ENKUR: variants seen among roughly 807,000 people sequenced by gnomAD.
ENKUR encodes the protein enkurin.
Under a neutral mutation model 27.6 loss-of-function variants are expected in ENKUR, and 19 were observed. That is an observed-to-expected ratio of 0.69 (90% CI 0.48 to 1.01). The LOEUF is 1.01. Ranked by LOEUF, ENKUR falls within the 50% of genes least tolerant of loss-of-function variation. The probability of loss-of-function intolerance (pLI) is 0.00; values close to 1 mark genes in which losing one functional copy is unlikely to be tolerated. For synonymous variants in ENKUR, 117 were observed against 96.9 expected (o/e 1.21, Z -1.22); for missense variants, 312 against 310.5 (o/e 1.00, Z -0.04).
chr10:24,986,062 C>A (rs1029418197), intron 4 of ENKUR, among the ~76,000 whole-genome samples: 1 of 152,066 alleles, frequency 6.6e-6, no homozygotes, highest in African/African-American at 2.4e-5. Flanking sequence ...GAGCAGAGAC[C>A]CTGCCTGAAA....
upstream of ENKUR, among the ~76,000 whole-genome samples, chr10:25,017,084 T>G (rs1312125800): frequency 2.0e-5 from 3 of 152,164 alleles, no homozygotes; most frequent in Non-Finnish European, 4.4e-5. Flanking sequence ...GCGCCTGCTC[T>G]TCCCCGGGTC....
At chr10:24,992,813 G>C (rs561293046) in intron 3 of ENKUR, among the ~76,000 whole-genome samples, 35 of 152,302 alleles carry the variant, frequency 2.3e-4, no homozygotes, top group African/African-American at 7.9e-4. Context: ...AAGCTGCAGA[G>C]GACAATACAA....
At chr10:24,991,472 C>T (rs1021674364) in intron 3 of ENKUR, among the ~76,000 whole-genome samples, 1 of 151,248 alleles carries the variant, frequency 6.6e-6, no homozygotes, top group Admixed American at 6.6e-5. Context: ...AATGGAAGAA[C>T]GTATAAGTGG....
intron 1 of ENKUR, among the ~76,000 whole-genome samples, chr10:25,061,947 T>C (rs1029495412): frequency 6.6e-6 from 1 of 152,176 alleles, no homozygotes; most frequent in Non-Finnish European, 1.5e-5. Flanking sequence ...ATTTGCTGAG[T>C]CAGACTGCAA....
At chr10:25,019,653 T>C, upstream of ENKUR, among the ~76,000 whole-genome samples, 1 of 152,342 alleles carries the variant, frequency 6.6e-6, no homozygotes, top group South Asian at 2.1e-4. Context: ...CCATTTTATA[T>C]AAAGGACTTG....
chr10:25,012,498 T>C (rs1850470035), intron 1 of ENKUR, among the ~76,000 whole-genome samples: 1 of 152,210 alleles, frequency 6.6e-6, no homozygotes, highest in African/African-American at 2.4e-5. Flanking sequence ...CCCAAGACCA[T>C]AGGATCCCAC....
intron 1 of ENKUR, among the ~76,000 whole-genome samples, chr10:25,005,195 T>G (rs938689074): frequency 6.6e-6 from 1 of 152,200 alleles, no homozygotes; most frequent in African/African-American, 2.4e-5. Context: ...GGCAGTGTCA[T>G]GGATAATTGG....
intron 2 of ENKUR, among the ~76,000 whole-genome samples, chr10:25,035,705 G>A (rs1850999809): frequency 6.6e-6 from 1 of 152,120 alleles, no homozygotes; most frequent in African/African-American, 2.4e-5. Context: ...TAATTTATCT[G>A]ATGAATACAA....
chr10:25,024,151 T>C lies in ENKUR; in HGVS notation c.38-28282A>G, dbSNP rs558014535. ...TCCTGCAGACATACCTGCTGCCAGGTTGGGAGAAATGATTGAAACTGCTTA... is the reference window on the plus strand; with the variant it reads ...TCCTGCAGACATACCTGCTGCCAGGCTGGGAGAAATGATTGAAACTGCTTA... On this transcript the variant is annotated intron_variant, in intron 2 of 5. Coordinates refer to the ENKUR transcript ENST00000615958. The C allele has an allele frequency of 3.1e-6, 5 of 1,614,154 alleles. No individual in the cohort carries two copies. In the African/African-American group the frequency reaches 6.7e-5, roughly 22 times the overall value.
At chr10:24,986,719 A>C (rs1849788739) in intron 4 of ENKUR, among the ~76,000 whole-genome samples, 1 of 152,214 alleles carries the variant, frequency 6.6e-6, no homozygotes, top group South Asian at 2.1e-4. Flanking sequence ...TGTGTACAAT[A>C]ACGTTTGGAT....
At chr10:24,988,434 T>G (rs556457241) in intron 4 of ENKUR, among the ~76,000 whole-genome samples, 1 of 143,378 alleles carries the variant, frequency 7.0e-6, no homozygotes, top group South Asian at 2.1e-4. Context: ...GTAAAATTTA[T>G]TTTTTATATT....
chr10:25,002,205 G>A (rs964812293), intron 1 of ENKUR, among the ~76,000 whole-genome samples: 1 of 152,160 alleles, frequency 6.6e-6, no homozygotes, highest in African/African-American at 2.4e-5. Context: ...GTGGGAACAC[G>A]AACTTTACCT....
Position 24,990,594 on chromosome 10 carries a change from G to T in ENKUR, c.463C>A (p.Pro155Thr), listed in dbSNP as rs754241618. ...TCGTTTCGCTTACATATGTATTCAG[G>T]TGTGACACCATAATCCTAAAAAGAT... ...YINKKDYGVT[P>T]EYICKRNEEI... Residue 155 changes from proline (P) to threonine (T), a missense_variant, in exon 4 of 6, where the codon CCT becomes ACT. Physicochemically the swap from Pro to Thr is conservative, Grantham distance 38 (BLOSUM62 -1). Transcript: ENST00000331161. 1 of 1,598,838 alleles carries T rather than the reference G, an allele frequency of 6.3e-7. No homozygotes were observed. The highest frequency in any genetic ancestry group is 8.5e-7 in the Non-Finnish European group (1 of 1,176,530).
intron 2 of ENKUR, among the ~76,000 whole-genome samples, chr10:25,042,339 A>C (rs1396864942): frequency 6.6e-6 from 1 of 150,616 alleles, no homozygotes; most frequent in Non-Finnish European, 1.5e-5. Context: ...CCCAGGCTGG[A>C]GTACAATGGC....
At chr10:25,027,842 T>C (rs1364021626) in intron 2 of ENKUR, among the ~76,000 whole-genome samples, 3 of 152,114 alleles carry the variant, frequency 2.0e-5, no homozygotes, top group African/African-American at 7.2e-5. Flanking sequence ...AGCAAGACTC[T>C]GTCTCAAAAA....
chr10:25,025,242 T>G (rs370166711), intron 2 of ENKUR: 71 of 1,614,106 alleles, frequency 4.4e-5, no homozygotes, highest in South Asian at 1.8e-4. Flanking sequence ...AGTTTGCACC[T>G]GCTATCATGC....
chr10:25,031,076 C>T (rs1323588225), intron 2 of ENKUR, among the ~76,000 whole-genome samples: 1 of 152,208 alleles, frequency 6.6e-6, no homozygotes, highest in African/African-American at 2.4e-5. Context: ...AAGATCACAC[C>T]ATTGCACTCC....
intron 2 of ENKUR, among the ~76,000 whole-genome samples, chr10:25,035,989 A>G (rs1256998606): frequency 2.0e-5 from 3 of 152,236 alleles, no homozygotes; most frequent in Admixed American, 1.3e-4. Context: ...GTCGTTATGA[A>G]GCTTATGGAG....
At chr10:25,011,860 A>C (rs960574903) in intron 1 of ENKUR, among the ~76,000 whole-genome samples, 1 of 152,238 alleles carries the variant, frequency 6.6e-6, no homozygotes, top group Non-Finnish European at 1.5e-5. Context: ...TTGCATAAGG[A>C]GAAGCCAAAT....
Sources: gnomAD v4.1 joint callset for allele counts (sites outside exome capture counted in the v4.1 genomes callset) on GRCh38, gnomAD v4.1.1 for gene constraint, MANE v1.5 for transcripts, NCBI Gene and HGNC (gene_info 2026-07-23, HGNC 2026-07-21) for gene names.